Variants in BPIFB4 observed in about 807,000 individuals in gnomAD.
BPIFB4 encodes the protein BPI fold-containing family B member 4.
Under a neutral mutation model 69.2 loss-of-function variants are expected in BPIFB4, and 62 were observed. The observed-to-expected ratio is 0.90, with a 90% CI of 0.73 to 1.11. The LOEUF is 1.11. BPIFB4 is among the 50% of genes least tolerant of loss of function. BPIFB4 has a pLI of 0.00. For synonymous variants in BPIFB4, 330 were observed against 332.7 expected (o/e 0.99, Z 0.09); for missense variants, 789 against 792.0 (o/e 1.00, Z 0.04).
intron 6 of BPIFB4, 36 bp downstream of exon 6, chr20:33,085,032 C>A: frequency 6.3e-7 from 1 of 1,594,938 alleles, no homozygotes; most frequent in East Asian, 2.3e-5. Context: ...TCCCCACCAC[C>A]CTATGGCCCA....
intron 16 of BPIFB4, among the ~76,000 whole-genome samples, chr20:33,106,772 G>A (rs565246392): frequency 2.0e-5 from 3 of 152,264 alleles, no homozygotes; most frequent in South Asian, 2.1e-4. Flanking sequence ...GCCTTGAGTC[G>A]TTTGGGGTCC....
chr20:33,101,748 G>A (rs1348233479), intron 14 of BPIFB4, among the ~76,000 whole-genome samples: 1 of 152,162 alleles, frequency 6.6e-6, no homozygotes, highest in Non-Finnish European at 1.5e-5. Context: ...GTTTCGCCAT[G>A]TTGGCCAGCC....
At chr20:33,089,451 T>C (rs1262162864) in intron 8 of BPIFB4, 47 bp from the exon 9 acceptor site, 19 of 1,614,052 alleles carry the variant, frequency 1.2e-5, no homozygotes, top group Non-Finnish European at 1.6e-5. Flanking sequence ...CCCTTGCTCC[T>C]ACTCCCTGCA....
intron 6 of BPIFB4, among the ~76,000 whole-genome samples, chr20:33,085,334 A>T (rs1231187308): frequency 6.6e-6 from 1 of 152,246 alleles, no homozygotes; most frequent in Non-Finnish European, 1.5e-5. Context: ...AGGTGCCTGT[A>T]GTCCCAGCTA....
intron 17 of BPIFB4, among the ~76,000 whole-genome samples, chr20:33,109,382 C>A (rs1030257999): frequency 6.6e-6 from 1 of 152,150 alleles, no homozygotes; most frequent in Non-Finnish European, 1.5e-5. Context: ...TACCACATGA[C>A]CTTTCATGGA....
chr20:33,090,937 T>C, intron 10 of BPIFB4, 138 bp downstream of exon 10: 2 of 1,021,760 alleles, frequency 2.0e-6, no homozygotes, highest in Non-Finnish European at 2.8e-6. Context: ...AAGAAGGCCT[T>C]CTAAGAGCTG....
chr20:33,104,830 G>C lies in BPIFB4; in HGVS notation c.1701G>C (p.Leu567=). Residue 567 remains leucine (L), a synonymous_variant, in exon 16 of 18, where the codon CTG becomes CTC. Coordinates refer to ENST00000375483, the MANE Select transcript of BPIFB4 (RefSeq NM_182519.3). The stretch of plus-strand genomic sequence containing the variant: ...TGCAGATTGGCCTCATGGAGGTGCT[G>C]GTGGAGAAGATTTTTGACCTGGCAT... The part of the protein sequence containing the change: ...GNFDIGLMEV[L]VEKIFDLAFM... The C allele has an allele frequency of 6.2e-7, 1 of 1,614,148 alleles. No homozygotes were observed. Among genetic ancestry groups the C allele is most frequent in the Non-Finnish European group, 8.5e-7 (1 of 1,180,018 alleles).
chr20:33,103,078 G>A (rs534818831), intron 15 of BPIFB4, 64 bp downstream of exon 15: 134 of 1,551,182 alleles, frequency 8.6e-5, no homozygotes, highest in African/African-American at 1.8e-4. Context: ...CGTGTCTTCC[G>A]GGAATGGTGT....
chr20:33,108,022 A>G (rs1265128386), intron 17 of BPIFB4, among the ~76,000 whole-genome samples: 1 of 152,206 alleles, frequency 6.6e-6, no homozygotes, highest in African/African-American at 2.4e-5. Flanking sequence ...TCTCCCATTC[A>G]GTCTCATTTA....
intron 14 of BPIFB4, among the ~76,000 whole-genome samples, chr20:33,101,888 C>A (rs553368287): frequency 6.6e-6 from 1 of 152,312 alleles, no homozygotes; most frequent in Non-Finnish European, 1.5e-5. Flanking sequence ...TAAGTACTAT[C>A]ATTATTTCCA....
At chr20:33,108,603 T>G (rs1262083515) in intron 17 of BPIFB4, among the ~76,000 whole-genome samples, 1 of 151,986 alleles carries the variant, frequency 6.6e-6, no homozygotes, top group African/African-American at 2.4e-5. Flanking sequence ...AAATCCTAAC[T>G]CTGCCAGTTT....
intron 10 of BPIFB4, among the ~76,000 whole-genome samples, chr20:33,091,466 C>T (rs940323806): frequency 3.9e-5 from 6 of 152,216 alleles, no homozygotes; most frequent in South Asian, 2.1e-4. Flanking sequence ...GTATGGGGCA[C>T]GCACACATAT....
At position 33,083,607 on chromosome 20, in the gene BPIFB4, G is replaced by T; in HGVS notation, c.410G>T (p.Gly137Val). Residue 137 changes from glycine to valine, a missense_variant, in exon 5 of 18, where the codon GGG (glycine) becomes GTG (valine). Physicochemically the swap from Gly to Val is moderately radical, Grantham distance 109 (BLOSUM62 -3). This residue lies in a region of BPIFB4 where 611 missense variants were observed against 575.4 expected (regional missense o/e 1.06). Coordinates refer to ENST00000375483, the MANE Select transcript of BPIFB4 (RefSeq NM_182519.3). The stretch of plus-strand genomic sequence containing the variant: ...GCATATGGAGGCCACAGGGGCCTCG[G>T]GCGATACAGGGCAGCACCTGTGGGC... ...ENAYGGHRGL[G>V]RYRAAPVGRL... is the part of the protein sequence containing the mutation. The T allele has an allele frequency of 9.9e-6, 16 of 1,614,054 alleles. No homozygotes were observed. Among genetic ancestry groups the T allele is most frequent in the Non-Finnish European group, 1.2e-5 (14 of 1,179,984 alleles).
intron 2 of BPIFB4, 80 bp from the exon 3 acceptor site, chr20:33,081,432 G>T: frequency 6.6e-7 from 1 of 1,515,018 alleles, no homozygotes. Flanking sequence ...GATGACTCTT[G>T]GCTGGGGCTG....
chr20:33,107,935 G>A (rs1982118258), intron 17 of BPIFB4, 115 bp downstream of exon 17: 3 of 896,146 alleles, frequency 3.3e-6, no homozygotes, highest in African/African-American at 1.6e-5. Flanking sequence ...GGGAAGGGGA[G>A]GAAACAGGGT....
At chr20:33,089,351 C>T in intron 8 of BPIFB4, 147 bp from the exon 9 acceptor site, 1 of 1,313,086 alleles carries the variant, frequency 7.6e-7, no homozygotes, top group Non-Finnish European at 1.1e-6. Flanking sequence ...TTAGAGACAG[C>T]CTTCCCCACA....
chr20:33,086,985 C>G (rs1457283906), intron 7 of BPIFB4, among the ~76,000 whole-genome samples: 1 of 152,064 alleles, frequency 6.6e-6, no homozygotes, highest in Non-Finnish European at 1.5e-5. Context: ...TGGCCCAGTC[C>G]CCCCAGCCCT....
intron 12 of BPIFB4, among the ~76,000 whole-genome samples, chr20:33,097,276 A>G (rs1231265530): frequency 1.3e-5 from 2 of 152,170 alleles, no homozygotes; most frequent in Non-Finnish European, 2.9e-5. Flanking sequence ...GGTTGTTGTA[A>G]TGACTGAATG....
At position 33,089,543 on chromosome 20, in the gene BPIFB4, C is replaced by T. The variant is rs1160480280; in HGVS notation, c.1036C>T (p.Leu346=). 6.2e-7 allele frequency: 1 copy of T among 1,614,272 alleles called. No individual in the cohort carries two copies. Among genetic ancestry groups the T allele is most frequent in the Non-Finnish European group, 8.5e-7 (1 of 1,180,048 alleles). ...GGTGCTGGGTCTTGTCAATGACCAG[C>T]TGGGCCTCGTGGATTGTAAGTCCAA... The part of the protein sequence containing the change: ...DVVLGLVNDQ[L]GLVDSLIPLG... The change falls in exon 9 of 18, where the codon CTG becomes TTG. Residue 346 remains leucine, a synonymous_variant. Transcript: ENST00000375483.
Sources: allele counts gnomAD v4.1 joint callset (sites outside exome capture counted in the v4.1 genomes callset), GRCh38; gene constraint gnomAD v4.1.1; regional missense constraint gnomAD v4.1.1; transcripts MANE v1.5; gene names NCBI Gene and HGNC (gene_info 2026-07-23, HGNC 2026-07-21).